Variants in CPOX observed in about 807,000 individuals in gnomAD.
The protein encoded by CPOX is oxygen-dependent coproporphyrinogen-III oxidase, mitochondrial.
A neutral mutation model predicts 48.9 loss-of-function variants in CPOX; 24 were observed. The ratio of observed to expected loss-of-function variants is 0.49; its 90% CI spans 0.36 to 0.69. CPOX has a LOEUF of 0.69. Ranked by LOEUF, CPOX falls within the 30% of genes least tolerant of loss-of-function variation. The pLI is 0.00. For synonymous variants in CPOX, 249 were observed against 234.6 expected, an observed-to-expected ratio of 1.06 and a Z score of -0.56; for missense variants, 549 against 597.3, an observed-to-expected ratio of 0.92 and a Z score of 0.84.
At chr3:98,573,235 C>T in the CPOX span, among the ~76,000 whole-genome samples, 1 of 152,196 alleles carries the variant, frequency 6.6e-6, no homozygotes, top group Non-Finnish European at 1.5e-5. Context: ...AGACATTCAA[C>T]ATTACTGGAA....
At chr3:98,583,256 T>C (rs920452310) in intron 5 of CPOX, among the ~76,000 whole-genome samples, 1 of 152,174 alleles carries the variant, frequency 6.6e-6, no homozygotes. Context: ...TAATAAAAAA[T>C]TTCCATCTCC....
chr3:98,593,263 G>C lies in CPOX; in HGVS notation c.242C>G (p.Ala81Gly), dbSNP rs1707519795. Residue 81 changes from alanine to glycine, a missense_variant, in exon 1 of 7, where the codon GCG (alanine) becomes GGG (glycine). Coordinates refer to ENST00000647941, the MANE Select transcript of CPOX (RefSeq NM_000097.7). ...GGCCAGCCCCACCAACCCCGCCAGCGCCGCGGCCAGCCCTGTCCCCACCCA... is the reference window on the plus strand; with the variant it reads ...GGCCAGCCCCACCAACCCCGCCAGCCCCGCGGCCAGCCCTGTCCCCACCCA... Reference protein sequence around the residue: ...GPWVGTGLAAALAGLVGLATA... With the variant: ...GPWVGTGLAAGLAGLVGLATA... The C allele has an allele frequency of 7.3e-6, 11 of 1,508,454 alleles. No homozygotes were observed. The highest frequency in any genetic ancestry group is 1.4e-5 in the African/African-American group (1 of 72,514). 93.4% of individuals were successfully genotyped at this position (1,508,454 alleles called of 1,614,324 possible).
rs1170277298 is a variant in CPOX at position 98,585,451 on chromosome 3, T to G, written c.1162A>C (p.Arg388=). ...TTTCCAGTCACTTACCGTCCTCTTC[T>G]GAGCTGCTGCCACAGCTTCTCCTGG... ...TPQEKLWQQL[R]RGRYVEFNLL... is the part of the protein sequence containing the mutation. The change falls in exon 5 of 7, where the codon AGA becomes CGA. Residue 388 remains arginine (R), a synonymous_variant. Transcript: ENST00000647941. The G allele has an allele frequency of 1.2e-6, 2 of 1,613,788 alleles. No individual in the cohort carries two copies. Among genetic ancestry groups the G allele is most frequent in the African/African-American group, 2.7e-5 (2 of 74,910 alleles).
At chr3:98,592,425 T>C (rs1314763821) in intron 1 of CPOX, among the ~76,000 whole-genome samples, 1 of 152,172 alleles carries the variant, frequency 6.6e-6, no homozygotes, top group Non-Finnish European at 1.5e-5. Context: ...TTGGTAGTGC[T>C]ACTGAGAAAC....
At position 98,593,170 on chromosome 3, in the gene CPOX, G is replaced by C; in HGVS notation, c.335C>G (p.Ser112Trp). Residue 112 changes from serine (S) to tryptophan (W), a missense_variant, in exon 1 of 7, where the codon TCG becomes TGG. Physicochemically the swap from Ser to Trp is radical, Grantham distance 177 (BLOSUM62 -3). Around this residue, in one of 2 missense-constraint regions of CPOX, gnomAD observed 336 missense variants for 318.1 expected, o/e 1.06. Coordinates refer to ENST00000647941, the MANE Select transcript of CPOX (RefSeq NM_000097.7). ...CTCCTCCTCCTCCGGCCTCCCCAGC[G>C]AAGTGGCCCGCGTCCCCGAGGTCTT... ...LPKTSGTRAT[S>W]LGRPEEEEDE... 1 of 1,610,306 alleles carries C rather than the reference G, an allele frequency of 6.2e-7. No individual in the cohort carries two copies. Among genetic ancestry groups the C allele is most frequent in the Non-Finnish European group, 8.5e-7 (1 of 1,178,678 alleles).
At chr3:98,581,183 C>T (rs1438906844) in intron 6 of CPOX, among the ~76,000 whole-genome samples, 1 of 152,090 alleles carries the variant, frequency 6.6e-6, no homozygotes, top group African/African-American at 2.4e-5. Context: ...GTTCTCTCTC[C>T]CTCTAGTCTC....
At chr3:98,581,385 C>A in intron 6 of CPOX, 22 bp downstream of exon 6, 2 of 1,529,554 alleles carry the variant, frequency 1.3e-6, no homozygotes, top group Non-Finnish European at 1.8e-6. Flanking sequence ...GGGATAACTA[C>A]TAAAATGAGT....
At chr3:98,578,338 G>A (rs1352400733), downstream of CPOX, 1 of 462,540 alleles carries the variant, frequency 2.2e-6, no homozygotes, top group African/African-American at 2.1e-5. Flanking sequence ...CAACTAAATA[G>A]GCTAGCATTT....
At chr3:98,589,466 T>A (rs1707434803) in intron 3 of CPOX, among the ~76,000 whole-genome samples, 1 of 152,070 alleles carries the variant, frequency 6.6e-6, no homozygotes, top group Admixed American at 6.6e-5. Context: ...TCTGGCTGTA[T>A]ATAAGAATCA....
At chr3:98,592,286 T>C (rs1707495065) in intron 1 of CPOX, among the ~76,000 whole-genome samples, 1 of 152,182 alleles carries the variant, frequency 6.6e-6, no homozygotes, top group South Asian at 2.1e-4. Context: ...CCACTCAAGA[T>C]GTGGGGTTTC....
chr3:98,591,755 T>C (rs981324556), intron 1 of CPOX, among the ~76,000 whole-genome samples: 4 of 152,296 alleles, frequency 2.6e-5, no homozygotes, highest in Admixed American at 2.0e-4. Flanking sequence ...AAAGTTCATG[T>C]TTGGCTTGTT....
At position 98,580,078 on chromosome 3, in the gene CPOX, TA is replaced by T. The variant is rs1302353863; in HGVS notation, c.*604del. Reference sequence around the variant, plus strand: ...CTTTAGAGTTTACAAACTACAGAAATAACTGAATTGTAACACATGCAGAGAT... The same window carrying T: ...CTTTAGAGTTTACAAACTACAGAAATACTGAATTGTAACACATGCAGAGAT... On this transcript the variant is annotated 3_prime_UTR_variant, in exon 7 of 7. Transcript: ENST00000647941. 1.0e-6 allele frequency: 1 copy of T among 966,792 alleles called. No homozygotes were observed. Among genetic ancestry groups the T allele is most frequent in the African/African-American group, 2.0e-5 (1 of 50,758 alleles). The allele number at this position is 966,792 out of a possible 1,614,324, so 59.9% of individuals were successfully genotyped here.
intron 4 of CPOX, among the ~76,000 whole-genome samples, chr3:98,586,618 C>T (rs947397887): frequency 2.0e-5 from 3 of 152,074 alleles, no homozygotes; most frequent in African/African-American, 4.8e-5. Flanking sequence ...GAGTCTTTTC[C>T]CCTCTATGAC....
chr3:98,580,877 G>T (rs1707246410), intron 6 of CPOX, 107 bp from the exon 7 acceptor site: 3 of 1,113,470 alleles, frequency 2.7e-6, no homozygotes, highest in African/African-American at 3.2e-5. Context: ...AAAAAAAAAA[G>T]CCTTATACTT....
In CPOX at chr3:98,593,056, G is replaced by C; in HGVS notation, c.449C>G (p.Thr150Ser). The change falls in exon 1 of 7, where the codon ACC (threonine) becomes AGC (serine). Residue 150 changes from threonine to serine, a missense_variant. By Grantham distance (58) the Thr-to-Ser change is moderately conservative. Around this residue, in one of 2 missense-constraint regions of CPOX, gnomAD observed 336 missense variants for 318.1 expected, o/e 1.06. Transcript: ENST00000647941. The stretch of plus-strand genomic sequence containing the variant: ...CTCCAGAATCAGCAGCTCCATCTTG[G>C]TCTTCATGTCGCCCGGCCTCCTTCG... Reference protein sequence around the residue: ...ELRRRPGDMKTKMELLILETQ... With the variant: ...ELRRRPGDMKSKMELLILETQ... 6.2e-7 allele frequency: 1 copy of C among 1,613,934 alleles called. No homozygotes were observed. The highest frequency in any genetic ancestry group is 8.5e-7 in the Non-Finnish European group (1 of 1,179,984).
At chr3:98,590,790 G>T in intron 2 of CPOX, 48 bp from the exon 3 acceptor site, 1 of 1,351,582 alleles carries the variant, frequency 7.4e-7, no homozygotes, top group Non-Finnish European at 1.1e-6. Flanking sequence ...TACCTTGAAT[G>T]CCTTGATACA....
chr3:98,589,006 T>C, intron 3 of CPOX, 152 bp from the exon 4 acceptor site: 1 of 901,196 alleles, frequency 1.1e-6, no homozygotes, highest in Non-Finnish European at 1.8e-6. Flanking sequence ...TGAAGACCAG[T>C]AAGGCCTAGG....
At chr3:98,571,383 T>C in the CPOX span, among the ~76,000 whole-genome samples, 2 of 152,176 alleles carry the variant, frequency 1.3e-5, no homozygotes, top group Non-Finnish European at 2.9e-5. Flanking sequence ...AATATAAATA[T>C]TTAAGGCTTT....
Position 98,588,711 on chromosome 3 carries a change from A to G in CPOX, c.953+2T>C, listed in dbSNP as rs2107126016. 6.2e-7 allele frequency: 1 copy of G among 1,614,168 alleles called. No homozygotes were observed. Among genetic ancestry groups the G allele is most frequent in the East Asian group, 2.2e-5 (1 of 44,868 alleles). On this transcript the variant is annotated splice_donor_variant, in intron 4 of 6. Coordinates refer to ENST00000647941, the MANE Select transcript of CPOX (RefSeq NM_000097.7). LOFTEE classifies it high-confidence loss of function. Reference sequence around the variant, plus strand: ...TCATGAAAGTTCAGTAACTTTACCTACCATTTTTTAAATTTGGGGTAGAGA... The same window carrying G: ...TCATGAAAGTTCAGTAACTTTACCTGCCATTTTTTAAATTTGGGGTAGAGA...
Sources: gnomAD v4.1 joint callset for allele counts (sites outside exome capture counted in the v4.1 genomes callset) on GRCh38, gnomAD v4.1.1 for gene constraint, gnomAD v4.1.1 regional missense constraint, MANE v1.5 for transcripts, NCBI Gene and HGNC (gene_info 2026-07-23, HGNC 2026-07-21) for gene names.